The following CD81 variants were observed in gnomAD, a reference collection of about 807,000 sequenced individuals.
CD81 encodes CD81 molecule, also known as CD81 antigen.
In CD81, 10 loss-of-function variants were observed where a neutral mutation model predicts 30.1. The observed-to-expected ratio is 0.33, with a 90% confidence interval of 0.21 to 0.56. The LOEUF is 0.56. CD81 is among the 20% of genes least tolerant of loss of function. The pLI is 0.89. For synonymous variants in CD81, 147 were observed against 126.4 expected (o/e 1.16, Z -1.10); for missense variants, 263 against 308.7 (o/e 0.85, Z 1.11).
intron 1 of CD81, among the ~76,000 whole-genome samples, chr11:2,386,928 AG>A (rs1308400390): frequency 6.6e-6 from 1 of 152,200 alleles, no homozygotes; most frequent in Non-Finnish European, 1.5e-5. Context: ...GGGCTTGTCT[AG>A]GGGCAGCCTC....
intron 1 of CD81, 60 bp from the exon 2 acceptor site, chr11:2,390,351 TG>T: frequency 7.7e-7 from 1 of 1,296,624 alleles, no homozygotes; most frequent in East Asian, 2.3e-5. Context: ...GCGTGTGGGG[TG>T]GGCGCACTCC....
At position 2,377,799 on chromosome 11, in the gene CD81, C is replaced by A. The variant is rs986872909; in HGVS notation, c.66+184C>A. The A allele has an allele frequency of 3.5e-6, 1 of 288,402 alleles. No individual in the cohort carries two copies. The highest frequency in any genetic ancestry group is 6.4e-5 in the East Asian group (1 of 15,560). The allele number at this position is 288,402 out of a possible 1,614,324, so 17.9% of individuals were successfully genotyped here. On this transcript the variant is annotated intron_variant, in intron 1 of 7. Coordinates refer to ENST00000263645, the MANE Select transcript of CD81 (RefSeq NM_004356.4). This position sits in a 1 kb window ranked among gnomAD's most constrained non-coding sequence, Gnocchi z 7.7. Reference sequence around the variant, plus strand: ...GCCACCGCGCCCCCCGACATTGGGGCTGAGGGCTGCGAGCCGAGTTTCGGG... The same window carrying A: ...GCCACCGCGCCCCCCGACATTGGGGATGAGGGCTGCGAGCCGAGTTTCGGG...
chr11:2,390,709 T>C (rs1381442253), intron 2 of CD81, among the ~76,000 whole-genome samples, 183 bp downstream of exon 2: 1 of 152,098 alleles, frequency 6.6e-6, no homozygotes, highest in East Asian at 1.9e-4. Flanking sequence ...TGTGGCCTGC[T>C]GGCCCTTCTG....
chr11:2,390,630 T>C (rs1849882110), intron 2 of CD81, 104 bp downstream of exon 2: 1 of 845,534 alleles, frequency 1.2e-6, no homozygotes, highest in Admixed American at 1.9e-5. Flanking sequence ...CAGTCGGGCA[T>C]GGCGTGTCCG....
Position 2,378,211 on chromosome 11 carries a change from G to A in CD81, c.66+596G>A, listed in dbSNP as rs1329206400. Among the ~76,000 whole-genome samples the A allele has an allele frequency of 6.6e-6, 1 of 151,882 alleles. No homozygotes were observed. The highest frequency in any genetic ancestry group is 1.5e-5 in the Non-Finnish European group (1 of 67,938). On this transcript the variant is annotated intron_variant, in intron 1 of 7. Coordinates refer to ENST00000263645, the MANE Select transcript of CD81 (RefSeq NM_004356.4). This position sits in a 1 kb window ranked among gnomAD's most constrained non-coding sequence, Gnocchi z 4.9. ...CCTTCCTGGGGGTCGCGCCTAAAAG[G>A]AGCGCAGACTCCCGCCGGGATGGCC...
In CD81 at chr11:2,378,488, C is replaced by T. The variant is rs529155370; in HGVS notation, c.66+873C>T. Among the ~76,000 whole-genome samples the T allele has an allele frequency of 3.7e-4, 56 of 152,290 alleles. No homozygotes were observed. The highest frequency in any genetic ancestry group is 1.0e-4 in the Non-Finnish European group (7 of 68,022). On this transcript the variant is annotated intron_variant, in intron 1 of 7. Transcript: ENST00000263645. The surrounding 1 kb of genome is among the most constrained non-coding windows in gnomAD (Gnocchi z 4.9). ...CACGCTGGGCATCTTTGGGTGCCAG[C>T]GTGGGTGGAGGAGGGTCTTTTGCTG... is the stretch of plus-strand genomic sequence containing the variant.
At chr11:2,394,294 A>C in intron 3 of CD81, 102 bp downstream of exon 3, 1 of 745,540 alleles carries the variant, frequency 1.3e-6, no homozygotes, top group Non-Finnish European at 2.3e-6. Flanking sequence ...GGAGCCTAGA[A>C]TTCTGGGGGA....
intron 2 of CD81, chr11:2,392,837 G>T (rs1045411028): frequency 6.6e-6 from 1 of 152,344 alleles, no homozygotes; most frequent in Non-Finnish European, 1.5e-5. Flanking sequence ...CTGGCAGGGG[G>T]TCTGGCAGCC....
At position 2,396,856 on chromosome 11, in the gene CD81, C is replaced by G; in HGVS notation, c.701C>G (p.Ser234Cys). The G allele has an allele frequency of 6.2e-7, 1 of 1,612,724 alleles. No homozygotes were observed. The highest frequency in any genetic ancestry group is 8.5e-7 in the Non-Finnish European group (1 of 1,180,008). The change falls in exon 8 of 8, where the codon TCC becomes TGC. Residue 234 changes from serine to cysteine, a missense_variant. By Grantham distance (112) the Ser-to-Cys change is moderately radical (BLOSUM62 -1). This residue lies in a region of CD81 where 176 missense variants were observed against 192.9 expected (regional missense o/e 0.91). Transcript: ENST00000263645. ...MVLCCGIRNS[S>C]VY ...CTGTGCTGTGGCATCCGGAACAGCT[C>G]CGTGTACTGAGGCCCCGCAGCTCTG...
In CD81 at chr11:2,395,699, A is replaced by C. The variant is rs1395449018; in HGVS notation, c.460-170A>C. 8.0e-6 allele frequency: 6 copies of C among 749,322 alleles called. No individual in the cohort carries two copies. The African/African-American group carries it at 1.0e-4, about 13-fold the overall frequency. The allele number at this position is 749,322 out of a possible 1,614,324, so 46.4% of individuals were successfully genotyped here. ...GGAACCTAGTGGGCCAGGGTGGCCC[A>C]GGGTGCGGAAAGCTCTGAGCAGCGC... On this transcript the variant is annotated intron_variant, in intron 5 of 7. Transcript: ENST00000263645.
intron 1 of CD81, among the ~76,000 whole-genome samples, chr11:2,386,825 C>A (rs564178649): frequency 6.6e-6 from 1 of 152,230 alleles, no homozygotes; most frequent in Non-Finnish European, 1.5e-5. Context: ...TCACATGGGC[C>A]CTCGGGTCCT....
rs778692912 is a variant in CD81 at position 2,396,648 on chromosome 11, C to T, written c.582C>T (p.Ile194=). Reference sequence around the variant, plus strand: ...TGCAGGAGGACTGCCACCAGAAGATCGATGACCTCTTCTCCGGGAAGCTGT... The same window carrying T: ...TGCAGGAGGACTGCCACCAGAAGATTGATGACCTCTTCTCCGGGAAGCTGT... ...NLFKEDCHQK[I]DDLFSGKLYL... is the part of the protein sequence containing the mutation. Residue 194 remains isoleucine, a synonymous_variant, in exon 7 of 8, where the codon ATC becomes ATT. Transcript: ENST00000263645. The T allele has an allele frequency of 8.7e-6, 14 of 1,611,588 alleles. No homozygotes were observed. Among genetic ancestry groups the T allele is most frequent in the East Asian group, 4.5e-5 (2 of 44,884 alleles).
rs189567128 is a variant in CD81, at chr11:2,378,858, C to T, written c.66+1243C>T. ...TGTGGGACCAGAGACATCTGTTTCC[C>T]ATCTGGACGGCTGAGGATCCCAGTG... On this transcript the variant is annotated intron_variant, in intron 1 of 7. Coordinates refer to ENST00000263645, the MANE Select transcript of CD81 (RefSeq NM_004356.4). The surrounding 1 kb of genome is among the most constrained non-coding windows in gnomAD (Gnocchi z 4.9). Among the ~76,000 whole-genome samples the T allele has an allele frequency of 5.3e-3, 809 of 152,352 alleles. 3 individuals are homozygous for T. The highest frequency in any genetic ancestry group is 0.018 in the African/African-American group (758 of 41,584).
intron 1 of CD81, among the ~76,000 whole-genome samples, chr11:2,380,532 G>C (rs1049253058): frequency 6.6e-6 from 1 of 152,192 alleles, no homozygotes; most frequent in African/African-American, 2.4e-5. Flanking sequence ...CCTGCGCCCT[G>C]ACCGCTTTGG....
chr11:2,396,770 T>C, intron 7 of CD81, 34 bp from the exon 8 acceptor site: 2 of 1,612,140 alleles, frequency 1.2e-6, no homozygotes, highest in South Asian at 1.1e-5. Context: ...CGCGGGGCCT[T>C]GTGCTGACTG....
At position 2,378,186 on chromosome 11, in the gene CD81, C is replaced by G. The variant is rs1849633556; in HGVS notation, c.66+571C>G. ...TCCAATCTGCGGTCACCACCCGAGA[C>G]CTTCCTGGGGGTCGCGCCTAAAAGG... On this transcript the variant is annotated intron_variant, in intron 1 of 7. Coordinates refer to ENST00000263645, the MANE Select transcript of CD81 (RefSeq NM_004356.4). This position sits in a 1 kb window ranked among gnomAD's most constrained non-coding sequence, Gnocchi z 4.9. Among the ~76,000 whole-genome samples, 2 of 152,220 alleles carry G rather than the reference C, an allele frequency of 1.3e-5. No homozygotes were observed. The highest frequency in any genetic ancestry group is 2.4e-5 in the African/African-American group (1 of 41,582).
In CD81 at chr11:2,395,051, G is replaced by A; in HGVS notation, c.354+5G>A. On this transcript the variant is annotated splice_donor_5th_base_variant and intron_variant, in intron 4 of 7. Coordinates refer to ENST00000263645, the MANE Select transcript of CD81 (RefSeq NM_004356.4). ...GGCTTTGTCAACAAGGACCAGGTGA[G>A]CCTGGGTGTGCAGGGACAGGGTGGG... 12 of 1,610,754 alleles carry A rather than the reference G, an allele frequency of 7.4e-6. No individual in the cohort carries two copies. The highest frequency in any genetic ancestry group is 1.0e-5 in the Non-Finnish European group (12 of 1,179,094).
At position 2,377,850 on chromosome 11, in the gene CD81, T is replaced by G; in HGVS notation, c.66+235T>G. ...GCCTCTGTGCTCGGGGGCCCACCTCTGCGGCCGGGCCGGGGCTTCTGGGGG... is the reference window on the plus strand; with the variant it reads ...GCCTCTGTGCTCGGGGGCCCACCTCGGCGGCCGGGCCGGGGCTTCTGGGGG... On this transcript the variant is annotated intron_variant, in intron 1 of 7. Coordinates refer to ENST00000263645, the MANE Select transcript of CD81 (RefSeq NM_004356.4). The surrounding 1 kb of genome is among the most constrained non-coding windows in gnomAD (Gnocchi z 7.7). 1 of 233,102 alleles carries G rather than the reference T, an allele frequency of 4.3e-6. No homozygotes were observed. Among genetic ancestry groups the G allele is most frequent in the Non-Finnish European group, 8.4e-6 (1 of 119,616 alleles). The allele number at this position is 233,102 out of a possible 1,614,324, so 14.4% of individuals were successfully genotyped here.
At chr11:2,392,467 G>A (rs565613272) in intron 2 of CD81, 2 of 152,412 alleles carry the variant, frequency 1.3e-5, no homozygotes, top group East Asian at 3.9e-4. Context: ...CCACATCAGA[G>A]CTCCAGCCCC....
Sources: allele counts gnomAD v4.1 joint callset (sites outside exome capture counted in the v4.1 genomes callset), GRCh38; gene constraint gnomAD v4.1.1; regional missense constraint gnomAD v4.1.1; non-coding constraint Gnocchi (gnomAD v3.1); transcripts MANE v1.5; gene names NCBI Gene and HGNC (gene_info 2026-07-23, HGNC 2026-07-21).